Variants in ADAM18 observed in about 807,000 individuals in gnomAD.
ADAM18 encodes the protein ADAM metallopeptidase domain 18.
A neutral mutation model predicts 94.4 loss-of-function variants in ADAM18; 117 were observed. The ratio of observed to expected loss-of-function variants is 1.24; its 90% CI spans 1.07 to 1.45. The LOEUF (loss-of-function observed/expected upper bound fraction) is 1.45. Among genes scored for constraint, ADAM18 ranks in the 40% most tolerant of loss-of-function variants. The probability of loss-of-function intolerance (pLI) is 0.00; values close to 1 mark genes in which losing one functional copy is unlikely to be tolerated. For synonymous variants in ADAM18, 327 were observed against 291.6 expected, an observed-to-expected ratio of 1.12 and a Z score of -1.24; for missense variants, 936 against 880.0, an observed-to-expected ratio of 1.06 and a Z score of -0.81.
intron 6 of ADAM18, among the ~76,000 whole-genome samples, chr8:39,620,914 A>T (rs1254872427): frequency 6.6e-6 from 1 of 151,844 alleles, no homozygotes; most frequent in African/African-American, 2.4e-5. Flanking sequence ...AATGGATACA[A>T]TATACATTAT....
intron 6 of ADAM18, 83 bp from the exon 7 acceptor site, chr8:39,629,291 T>C: frequency 9.7e-7 from 1 of 1,034,632 alleles, no homozygotes; most frequent in South Asian, 1.6e-5. Flanking sequence ...TATGCAATTT[T>C]TCGCTGTCTT....
chr8:39,645,549 T>C, intron 11 of ADAM18, 75 bp downstream of exon 11: 2 of 1,433,994 alleles, frequency 1.4e-6, no homozygotes, highest in Non-Finnish European at 1.9e-6. Flanking sequence ...GTTTTTAAAC[T>C]TTTATATTCG....
rs149605336 is a variant in ADAM18, at chr8:39,670,495, A to G, written c.1525+2299A>G. On this transcript the variant is annotated intron_variant, in intron 14 of 19. Transcript: ENST00000265707. ...TAACAAGTAGTTACATTAAGTTTGCATTCTTTTATTAAGTAAATTTAAACT... is the reference window on the plus strand; with the variant it reads ...TAACAAGTAGTTACATTAAGTTTGCGTTCTTTTATTAAGTAAATTTAAACT... Among the ~76,000 whole-genome samples the G allele has an allele frequency of 5.9e-5, 9 of 152,318 alleles. No homozygotes were observed. The East Asian group carries it at 1.7e-3, about 29-fold the overall frequency.
chr8:39,608,782 T>C (rs1370441794), intron 3 of ADAM18, among the ~76,000 whole-genome samples: 2 of 152,102 alleles, frequency 1.3e-5, no homozygotes, highest in Non-Finnish European at 2.9e-5. Context: ...AGTACATTTG[T>C]TGAACGTCAT....
At chr8:39,595,966 C>G (rs1307687695) in intron 2 of ADAM18, among the ~76,000 whole-genome samples, 3 of 152,156 alleles carry the variant, frequency 2.0e-5, no homozygotes, top group Non-Finnish European at 1.5e-5. Context: ...AAGAATGAGG[C>G]TATTCCATTT....
chr8:39,643,114 G>C (rs551046783), intron 10 of ADAM18, among the ~76,000 whole-genome samples: 100 of 152,208 alleles, frequency 6.6e-4, no homozygotes, highest in African/African-American at 2.3e-3. Context: ...GAATACCAGT[G>C]ATTTTTGCAT....
At chr8:39,643,566 A>G (rs995298020) in intron 10 of ADAM18, among the ~76,000 whole-genome samples, 1 of 152,138 alleles carries the variant, frequency 6.6e-6, no homozygotes, top group African/African-American at 2.4e-5. Flanking sequence ...ACAGAAATGT[A>G]TTACTTCACA....
chr8:39,712,011 G>C (rs575723915), intron 18 of ADAM18, among the ~76,000 whole-genome samples: 1 of 147,358 alleles, frequency 6.8e-6, no homozygotes, highest in South Asian at 2.2e-4. Context: ...AATATAAAAT[G>C]GTCAACTAAA....
intron 6 of ADAM18, among the ~76,000 whole-genome samples, chr8:39,618,511 T>C (rs2129578730): frequency 6.6e-6 from 1 of 152,250 alleles, no homozygotes; most frequent in Non-Finnish European, 1.5e-5. Context: ...AGAAACACAG[T>C]CTTTCCATAA....
At chr8:39,702,297 A>G (rs754807420) in intron 17 of ADAM18, among the ~76,000 whole-genome samples, 9 of 151,856 alleles carry the variant, frequency 5.9e-5, no homozygotes, top group Non-Finnish European at 1.2e-4. Context: ...GTCTTTTTTG[A>G]AAAGTTTCTG....
intron 17 of ADAM18, among the ~76,000 whole-genome samples, chr8:39,703,540 G>A (rs1260011528): frequency 6.6e-6 from 1 of 151,992 alleles, no homozygotes; most frequent in African/African-American, 2.4e-5. Context: ...TGGTGAGAGA[G>A]GGCACCTTAG....
At chr8:39,598,747 G>A (rs1265661997) in intron 2 of ADAM18, among the ~76,000 whole-genome samples, 1 of 150,054 alleles carries the variant, frequency 6.7e-6, no homozygotes, top group East Asian at 2.0e-4. Flanking sequence ...TAGCTTTGGT[G>A]GCAGAGCAAG....
At chr8:39,676,727 C>T (rs764650417) in intron 14 of ADAM18, among the ~76,000 whole-genome samples, 8 of 152,152 alleles carry the variant, frequency 5.3e-5, no homozygotes, top group African/African-American at 1.9e-4. Context: ...TCTTCTGCAT[C>T]GATCACACTG....
chr8:39,719,642 G>T (rs543917431), intron 18 of ADAM18, among the ~76,000 whole-genome samples: 1 of 151,290 alleles, frequency 6.6e-6, no homozygotes, highest in Non-Finnish European at 1.5e-5. Context: ...AAAAAGGGGG[G>T]CAAAATAAGC....
chr8:39,670,425 T>C (rs1014720634), intron 14 of ADAM18, among the ~76,000 whole-genome samples: 3 of 152,202 alleles, frequency 2.0e-5, no homozygotes, highest in Non-Finnish European at 2.9e-5. Flanking sequence ...ATTTTTCTTC[T>C]GTTACCAAAA....
intron 17 of ADAM18, among the ~76,000 whole-genome samples, chr8:39,705,195 T>TTG (rs1183226046): frequency 6.6e-6 from 1 of 152,032 alleles, no homozygotes; most frequent in Non-Finnish European, 1.5e-5. Context: ...AGGTTATCTT[T>TTG]TGTGTGTGTG....
At chr8:39,698,888 A>T (rs936611059) in intron 17 of ADAM18, among the ~76,000 whole-genome samples, 2 of 152,082 alleles carry the variant, frequency 1.3e-5, no homozygotes, top group African/African-American at 4.8e-5. Flanking sequence ...CAGCATCTTT[A>T]TCTCCTCAGC....
intron 18 of ADAM18, among the ~76,000 whole-genome samples, chr8:39,720,350 G>C (rs1822712860): frequency 6.6e-6 from 1 of 151,406 alleles, no homozygotes. Flanking sequence ...AAATGTGTAT[G>C]GATTATGGAT....
At chr8:39,665,847 G>A (rs1406399085) in intron 13 of ADAM18, among the ~76,000 whole-genome samples, 1 of 151,788 alleles carries the variant, frequency 6.6e-6, no homozygotes, top group Non-Finnish European at 1.5e-5. Flanking sequence ...TACTATTTTT[G>A]CTGTATAGTC....
Sources: gnomAD v4.1 joint callset for allele counts (sites outside exome capture counted in the v4.1 genomes callset) on GRCh38, gnomAD v4.1.1 for gene constraint, MANE v1.5 for transcripts, NCBI Gene and HGNC (gene_info 2026-07-23, HGNC 2026-07-21) for gene names.